Variants in GLI3 observed in about 807,000 individuals in gnomAD.
The protein encoded by GLI3 is GLI family zinc finger 3.
Under a neutral mutation model 100.8 loss-of-function variants are expected in GLI3, and 20 were observed. The ratio of observed to expected loss-of-function variants is 0.20; its 90% CI spans 0.14 to 0.29. The LOEUF (loss-of-function observed/expected upper bound fraction) is 0.29. Ranked by LOEUF, GLI3 falls within the 10% of genes least tolerant of loss-of-function variation. GLI3 has a pLI of 1.00. For missense variants in GLI3, 2,040 were observed against 2,128.5 expected, an observed-to-expected ratio of 0.96 and a Z score of 0.82; for synonymous variants, 938 against 860.5, an observed-to-expected ratio of 1.09 and a Z score of -1.58.
At chr7:42,237,991 G>GCCGCCGCCGCCGCCT (rs1788860031), upstream of GLI3, 2 of 156,196 alleles carry the variant, frequency 1.3e-5, no homozygotes, top group Non-Finnish European at 2.6e-5. Flanking sequence ...CGCCGCCGCC[G>GCCGCCGCCGCCGCCT]CCGCCGCCGC....
intron 3 of GLI3, among the ~76,000 whole-genome samples, chr7:42,147,626 A>C (rs1786746273): frequency 6.6e-6 from 1 of 152,220 alleles, no homozygotes. Flanking sequence ...AGTCCTAGTT[A>C]ATTTCTTAAA....
chr7:42,017,319 A>C (rs916858059), intron 10 of GLI3, among the ~76,000 whole-genome samples: 3 of 152,224 alleles, frequency 2.0e-5, no homozygotes, highest in Non-Finnish European at 4.4e-5. Context: ...TTTCAATAGG[A>C]AAATGTTCCC....
chr7:42,051,318 C>T (rs1202433521), intron 4 of GLI3, among the ~76,000 whole-genome samples: 4 of 152,172 alleles, frequency 2.6e-5, no homozygotes, highest in African/African-American at 9.6e-5. Flanking sequence ...CTCACCTTCT[C>T]CTCTTCCTTA....
chr7:42,174,581 G>A (rs573343166), intron 2 of GLI3, among the ~76,000 whole-genome samples: 16 of 152,110 alleles, frequency 1.1e-4, no homozygotes, highest in Non-Finnish European at 2.4e-4. Context: ...TTTGCCCAAC[G>A]AGCTGGGAGT....
intron 12 of GLI3, among the ~76,000 whole-genome samples, chr7:41,976,671 G>T (rs1367761284): frequency 6.6e-6 from 1 of 152,138 alleles, no homozygotes; most frequent in Non-Finnish European, 1.5e-5. Context: ...GACACGCTGT[G>T]GTGCTGAACT....
chr7:42,127,794 G>T (rs1009284917), intron 3 of GLI3, among the ~76,000 whole-genome samples: 5 of 152,104 alleles, frequency 3.3e-5, no homozygotes, highest in African/African-American at 9.7e-5. Context: ...GATTGCTTGA[G>T]CTCAGGGGTT....
intron 2 of GLI3, chr7:42,222,749 A>T: frequency 4.3e-6 from 1 of 232,896 alleles, no homozygotes; most frequent in Non-Finnish European, 8.7e-6. Flanking sequence ...ACTAATTTTG[A>T]CAAGACAACT....
chr7:42,039,348 A>G (rs846323), intron 7 of GLI3, among the ~76,000 whole-genome samples: 96,976 of 152,090 alleles, frequency 0.64, 32,709 homozygotes, highest in African/African-American at 0.87. Flanking sequence ...GTACCTTCAC[A>G]TGCAAAAACA....
At chr7:42,122,154 G>A (rs1285330270) in intron 3 of GLI3, among the ~76,000 whole-genome samples, 1 of 150,410 alleles carries the variant, frequency 6.6e-6, no homozygotes. Flanking sequence ...ATAAAAATAA[G>A]CCAGACCAGG....
intron 2 of GLI3, among the ~76,000 whole-genome samples, chr7:42,166,189 G>A (rs1787237820): frequency 6.6e-6 from 1 of 152,138 alleles, no homozygotes; most frequent in Non-Finnish European, 1.5e-5. Flanking sequence ...ATGTCTACCA[G>A]AGCATTTCTT....
rs576612900 is a variant in GLI3, at chr7:42,211,112, AC to A, written c.124+12017del. ...ATGGATAAAAATATTCTAATTTTGT[AC>A]GAAACTGATCAAAGAAAGTGCTTTG... On this transcript the variant is annotated intron_variant, in intron 2 of 14. Coordinates refer to ENST00000395925, the MANE Select transcript of GLI3 (RefSeq NM_000168.6). Among the ~76,000 whole-genome samples the A allele has an allele frequency of 4.1e-3, 629 of 152,330 alleles. 8 individuals carry two copies. Among genetic ancestry groups the A allele is most frequent in the African/African-American group, 0.014 (598 of 41,580 alleles).
chr7:42,066,257 T>C (rs1472197619), intron 4 of GLI3, among the ~76,000 whole-genome samples: 2 of 152,122 alleles, frequency 1.3e-5, no homozygotes, highest in African/African-American at 4.8e-5. Context: ...AAGGACACCC[T>C]TGCAAAGCAA....
At chr7:42,246,270 C>T (rs1368948329) in intron 1 of GLI3, among the ~76,000 whole-genome samples, 1 of 152,148 alleles carries the variant, frequency 6.6e-6, no homozygotes. Flanking sequence ...TTACCCTTGA[C>T]AGGGGAATGG....
intron 2 of GLI3, among the ~76,000 whole-genome samples, chr7:42,210,548 T>G (rs750263064): frequency 1.3e-5 from 2 of 152,132 alleles, no homozygotes; most frequent in Non-Finnish European, 2.9e-5. Context: ...CAGTATTTTG[T>G]AGCCTGGTCC....
Position 42,148,295 on chromosome 7 carries a change from G to A in GLI3, c.298C>T (p.Pro100Ser), listed in dbSNP as rs1346123788. 2 of 1,613,264 alleles carry A rather than the reference G, an allele frequency of 1.2e-6. No individual in the cohort carries two copies. The highest frequency in any genetic ancestry group is 1.7e-6 in the Non-Finnish European group (2 of 1,179,612). ...IHGSLPHVAE[P>S]SVPYRGTVFA... ...ACCGTCCCGCGGTACGGCACAGAGG[G>A]CTCCGCCACGTGTGGCAGGGACCCA... Residue 100 changes from proline to serine, a missense_variant, in exon 3 of 15, where the codon CCC becomes TCC. Physicochemically the swap from Pro to Ser is moderately conservative, Grantham distance 74. Coordinates refer to ENST00000395925, the MANE Select transcript of GLI3 (RefSeq NM_000168.6).
chr7:42,069,379 A>G (rs1562713340), intron 4 of GLI3, among the ~76,000 whole-genome samples: 1 of 152,208 alleles, frequency 6.6e-6, no homozygotes, highest in Non-Finnish European at 1.5e-5. Context: ...GTGCCCGCTC[A>G]TCAGAATTTT....
Position 42,045,539 on chromosome 7 carries a change from A to C in GLI3, c.680-9T>G, listed in dbSNP as rs1002687749. The stretch of plus-strand genomic sequence containing the variant: ...GACTCCTGCATGGGGCGCTAGGAGG[A>C]GACAAGAGATGTATGGTTACTAGCG... On this transcript the variant is annotated splice_polypyrimidine_tract_variant and intron_variant, in intron 5 of 14. Coordinates refer to ENST00000395925, the MANE Select transcript of GLI3 (RefSeq NM_000168.6). 3.1e-6 allele frequency: 5 copies of C among 1,613,666 alleles called. No homozygotes were observed. The highest frequency in any genetic ancestry group is 3.4e-6 in the Non-Finnish European group (4 of 1,179,870).
In GLI3 at chr7:42,040,517, C is replaced by G. The variant is rs35435152; in HGVS notation, c.827-278G>C. ...AGGGAGAGATTTTTATGTGTTATCC[C>G]TTTCATTTCTGGTGATTTATGAATC... On this transcript the variant is annotated intron_variant, in intron 6 of 14. Coordinates refer to ENST00000395925, the MANE Select transcript of GLI3 (RefSeq NM_000168.6). Among the ~76,000 whole-genome samples, 710 of 152,200 alleles carry G rather than the reference C, an allele frequency of 4.7e-3. 3 individuals carry two copies. The highest frequency in any genetic ancestry group is 7.7e-3 in the Non-Finnish European group (523 of 68,020).
At chr7:42,066,803 A>G (rs1784684396) in intron 4 of GLI3, among the ~76,000 whole-genome samples, 3 of 152,142 alleles carry the variant, frequency 2.0e-5, no homozygotes, top group Admixed American at 2.0e-4. Context: ...TTCTTCCCTC[A>G]ATCCAATGAC....
Sources: gnomAD v4.1 joint callset for allele counts (sites outside exome capture counted in the v4.1 genomes callset) on GRCh38, gnomAD v4.1.1 for gene constraint, MANE v1.5 for transcripts, NCBI Gene and HGNC (gene_info 2026-07-23, HGNC 2026-07-21) for gene names.